CNTNAP5: variants seen among roughly 807,000 people sequenced by gnomAD.
CNTNAP5 encodes contactin-associated protein-like 5.
In CNTNAP5, 72 loss-of-function variants were observed where a neutral mutation model predicts 150.2. The observed-to-expected ratio is 0.48, with a 90% CI of 0.40 to 0.58. CNTNAP5 has a LOEUF of 0.58. Ranked by LOEUF, CNTNAP5 falls within the 20% of genes least tolerant of loss-of-function variation. CNTNAP5 has a pLI of 0.00. For synonymous variants in CNTNAP5, 672 were observed against 619.8 expected (o/e 1.08, Z -1.25); for missense variants, 1,636 against 1,626.2 (o/e 1.01, Z -0.10).
intron 4 of CNTNAP5, among the ~76,000 whole-genome samples, chr2:124,422,849 C>T (rs1162564547): frequency 6.6e-6 from 1 of 152,124 alleles, no homozygotes; most frequent in African/African-American, 2.4e-5. Context: ...TCTGGCTGCA[C>T]TTCAATTAGA....
chr2:124,516,455 A>G (rs1022478051), intron 8 of CNTNAP5, among the ~76,000 whole-genome samples: 2 of 152,190 alleles, frequency 1.3e-5, no homozygotes, highest in Non-Finnish European at 2.9e-5. Flanking sequence ...TTTTGTTTCC[A>G]TTTTACAGAT....
intron 19 of CNTNAP5, among the ~76,000 whole-genome samples, chr2:124,837,100 G>A (rs1682845473): frequency 6.6e-6 from 1 of 151,528 alleles, no homozygotes; most frequent in South Asian, 2.1e-4. Context: ...TGAGGGACAG[G>A]AATGTATAAA....
intron 14 of CNTNAP5, among the ~76,000 whole-genome samples, chr2:124,753,626 G>A (rs567511988): frequency 6.6e-6 from 1 of 152,288 alleles, no homozygotes; most frequent in African/African-American, 2.4e-5. Flanking sequence ...GTTTATTCAT[G>A]TTATTGAAAA....
Position 124,068,852 on chromosome 2 carries a change from G to A in CNTNAP5, c.82+43120G>A, listed in dbSNP as rs115321054. On this transcript the variant is annotated intron_variant, in intron 1 of 23. Transcript: ENST00000682447. ...CCCAGACAACATTTCTAGATATACC[G>A]TAGGCCAGAAAGGAACGATCTGGTC... 3.6e-3 allele frequency among the ~76,000 whole-genome samples: 554 copies of A among 152,006 alleles called. 3 individuals are homozygous for A. Among genetic ancestry groups the A allele is most frequent in the African/African-American group, 0.013 (530 of 41,472 alleles).
Position 124,911,500 on chromosome 2 carries a change from T to G in CNTNAP5, c.3689T>G (p.Leu1230Arg), listed in dbSNP as rs777407406. 1 of 1,602,432 alleles carries G rather than the reference T, an allele frequency of 6.2e-7. No individual in the cohort carries two copies. Among genetic ancestry groups the G allele is most frequent in the South Asian group, 1.1e-5 (1 of 88,884 alleles). Residue 1230 changes from leucine to arginine, a missense_variant, in exon 23 of 24, where the codon CTC becomes CGC. By Grantham distance (102) the Leu-to-Arg change is moderately radical. Coordinates refer to ENST00000682447, the MANE Select transcript of CNTNAP5 (RefSeq NM_001367498.1). ...PFGKTDEREP[L>R]TNAVRSDSAV... Reference sequence around the variant, plus strand: ...GGGAAGACAGATGAGCGGGAACCACTCACAAATGCTGTTCGAAGTGATTCG... The same window carrying G: ...GGGAAGACAGATGAGCGGGAACCACGCACAAATGCTGTTCGAAGTGATTCG...
intron 4 of CNTNAP5, 30 bp downstream of exon 4, chr2:124,417,620 G>T (rs774108562): frequency 6.3e-7 from 1 of 1,598,276 alleles, no homozygotes; most frequent in Non-Finnish European, 8.6e-7. Context: ...CTTTACCATT[G>T]CTGAGTGTGA....
At chr2:124,892,091 T>C (rs1309867121) in intron 21 of CNTNAP5, among the ~76,000 whole-genome samples, 2 of 152,114 alleles carry the variant, frequency 1.3e-5, no homozygotes, top group Non-Finnish European at 2.9e-5. Context: ...AGAAGCAAGA[T>C]ACCAACCTTG....
chr2:124,349,553 C>G (rs556478399), intron 3 of CNTNAP5, among the ~76,000 whole-genome samples: 12 of 152,178 alleles, frequency 7.9e-5, no homozygotes, highest in African/African-American at 2.9e-4. Context: ...GCTTGAGTCC[C>G]GTATATAGTA....
At chr2:124,581,966 G>A (rs1403398113) in intron 11 of CNTNAP5, among the ~76,000 whole-genome samples, 4 of 152,168 alleles carry the variant, frequency 2.6e-5, no homozygotes, top group Non-Finnish European at 4.4e-5. Context: ...TCACAAACAC[G>A]GAGGCAGGGG....
At chr2:124,889,688 A>C (rs1271088826) in intron 21 of CNTNAP5, among the ~76,000 whole-genome samples, 1 of 152,134 alleles carries the variant, frequency 6.6e-6, no homozygotes, top group South Asian at 2.1e-4. Flanking sequence ...ATGCAAACAC[A>C]CTTCTTGTCT....
chr2:124,112,546 G>A (rs186455138), intron 1 of CNTNAP5, among the ~76,000 whole-genome samples: 294 of 152,260 alleles, frequency 1.9e-3, no homozygotes, highest in African/African-American at 6.6e-3. Context: ...GTTGAGTTTA[G>A]TGTTTTATTT....
At chr2:124,712,127 G>A (rs950226810) in intron 13 of CNTNAP5, among the ~76,000 whole-genome samples, 3 of 152,110 alleles carry the variant, frequency 2.0e-5, no homozygotes, top group Non-Finnish European at 4.4e-5. Flanking sequence ...ATTTAAGCAC[G>A]TTCATTAATT....
chr2:124,752,850 G>C (rs550962446), intron 14 of CNTNAP5, among the ~76,000 whole-genome samples: 1 of 152,242 alleles, frequency 6.6e-6, no homozygotes. Context: ...GTGTTGGGCT[G>C]TGTGGAAGGT....
At position 124,238,442 on chromosome 2, in the gene CNTNAP5, T is replaced by G. The variant is rs1045789268; in HGVS notation, c.188-3758T>G. Among the ~76,000 whole-genome samples, 5 of 152,284 alleles carry G rather than the reference T, an allele frequency of 3.3e-5. 1 individual carries two copies. In the South Asian group the frequency reaches 6.2e-4, roughly 19 times the overall value. On this transcript the variant is annotated intron_variant, in intron 2 of 23. Transcript: ENST00000682447. ...GTCAAATAATATAGTTTGCAGAGTA[T>G]GAGGCTTGGAGTATGCTAGAAATAA...
chr2:124,733,771 G>A (rs914150775), intron 13 of CNTNAP5, among the ~76,000 whole-genome samples: 5 of 152,170 alleles, frequency 3.3e-5, no homozygotes, highest in Non-Finnish European at 5.9e-5. Flanking sequence ...AACTAGTTGA[G>A]TGCATGTGTG....
chr2:124,529,490 T>C (rs1695057032), intron 10 of CNTNAP5, among the ~76,000 whole-genome samples: 1 of 152,196 alleles, frequency 6.6e-6, no homozygotes, highest in Non-Finnish European at 1.5e-5. Flanking sequence ...TTTTCTTGAT[T>C]TACCAGGCAC....
chr2:124,747,188 G>A, intron 13 of CNTNAP5, 41 bp from the exon 14 acceptor site: 1 of 1,592,832 alleles, frequency 6.3e-7, no homozygotes, highest in Non-Finnish European at 8.6e-7. Flanking sequence ...TGTTACTTCA[G>A]GCTTGCCCTA....
intron 13 of CNTNAP5, among the ~76,000 whole-genome samples, chr2:124,704,343 CT>C (rs963804676): frequency 1.3e-5 from 2 of 152,000 alleles, no homozygotes; most frequent in Non-Finnish European, 1.5e-5. Flanking sequence ...GTGAAGTGTT[CT>C]TTTTTTTCTT....
intron 14 of CNTNAP5, among the ~76,000 whole-genome samples, chr2:124,750,982 CAAAA>C (rs745635606): frequency 4.0e-5 from 3 of 75,466 alleles, no homozygotes; most frequent in Admixed American, 1.6e-4. Context: ...GACTCCATCT[CAAAA>C]AAAAAAAAAA....
Sources: gnomAD v4.1 joint callset for allele counts (sites outside exome capture counted in the v4.1 genomes callset) on GRCh38, gnomAD v4.1.1 for gene constraint, MANE v1.5 for transcripts, NCBI Gene and HGNC (gene_info 2026-07-23, HGNC 2026-07-21) for gene names.